Variants in UPF1 observed in about 807,000 individuals in gnomAD.
The protein encoded by UPF1 is regulator of nonsense transcripts 1.
Under a neutral mutation model 129.2 loss-of-function variants are expected in UPF1, and 9 were observed. The observed-to-expected ratio is 0.07, with a 90% CI of 0.04 to 0.12. The LOEUF is 0.12. Ranked by LOEUF, UPF1 falls within the 10% of genes least tolerant of loss-of-function variation. The pLI is 1.00. For missense variants in UPF1, 788 were observed against 1,525.3 expected, an observed-to-expected ratio of 0.52 and a Z score of 8.05; for synonymous variants, 649 against 644.9, an observed-to-expected ratio of 1.01 and a Z score of -0.10.
Position 18,832,782 on chromosome 19 carries a change from G to A in UPF1, c.231+342G>A, listed in dbSNP as rs2055442343. Among the ~76,000 whole-genome samples, 1 of 152,032 alleles carries A rather than the reference G, an allele frequency of 6.6e-6. No individual in the cohort carries two copies. The highest frequency in any genetic ancestry group is 6.5e-5 in the Admixed American group (1 of 15,270). On this transcript the variant is annotated intron_variant, in intron 1 of 23. Transcript: ENST00000262803. This position sits in a 1 kb window ranked among gnomAD's most constrained non-coding sequence, Gnocchi z 5.6. ...CTGACCCTGTTCCTTTACGCCAGCT[G>A]GGTTTGCTCCCCCTCCTGGGCCCGG... is the stretch of plus-strand genomic sequence containing the variant.
At position 18,863,543 on chromosome 19, in the gene UPF1, G is replaced by T. The variant is rs200092149; in HGVS notation, c.2706G>T (p.Pro902=). The T allele has an allele frequency of 3.6e-4, 582 of 1,613,840 alleles. 11 individuals carry two copies. In the South Asian group the frequency reaches 5.0e-3, roughly 14 times the overall value. Residue 902 remains proline, a synonymous_variant, in exon 19 of 24, where the codon CCG becomes CCT. Transcript: ENST00000262803. Reference sequence around the variant, plus strand: ...AGCAGAAGGTGCTGGTGGAGGGGCCGCTCAACAACCTGCGTGAGAGCCTCA... The same window carrying T: ...AGCAGAAGGTGCTGGTGGAGGGGCCTCTCAACAACCTGCGTGAGAGCCTCA... ...YKEQKVLVEG[P]LNNLRESLMQ...
Position 18,866,119 on chromosome 19 carries a change from C to A in UPF1, c.3313C>A (p.Arg1105=). 1 of 1,612,138 alleles carries A rather than the reference C, an allele frequency of 6.2e-7. No homozygotes were observed. The highest frequency in any genetic ancestry group is 8.5e-7 in the Non-Finnish European group (1 of 1,179,408). Residue 1105 remains arginine, a synonymous_variant, in exon 23 of 24, where the codon CGG becomes AGG. Coordinates refer to ENST00000262803, the MANE Select transcript of UPF1 (RefSeq NM_002911.4). ...ACAGGACTCCACGTACCAGGGAGAG[C>A]GGGCTTACCAGCATGGCGGGGTGAC... ...LSQDSTYQGE[R]AYQHGGVTGL... is the part of the protein sequence containing the mutation.
chr19:18,858,920 G>A (rs777640334), intron 15 of UPF1, among the ~76,000 whole-genome samples: 12 of 152,268 alleles, frequency 7.9e-5, no homozygotes, highest in Middle Eastern at 3.4e-3. Flanking sequence ...GAGTGTAAAG[G>A]GTCCTGAAAG....
At chr19:18,861,089 A>T (rs965978330) in intron 17 of UPF1, 107 bp downstream of exon 17, 7 of 1,423,124 alleles carry the variant, frequency 4.9e-6, no homozygotes, top group Non-Finnish European at 6.5e-6. Context: ...TGGAGCTCAG[A>T]ATGGCCCAGG....
chr19:18,868,017 G>C lies in UPF1; in HGVS notation c.*1500G>C, dbSNP rs2055877730. On this transcript the variant is annotated 3_prime_UTR_variant, in exon 24 of 24. Transcript: ENST00000262803. Reference sequence around the variant, plus strand: ...AGGCATGCACCGGGTAGGTTTCCGCGGTGACCCCGCGGCGGCCTGAGGGAC... The same window carrying C: ...AGGCATGCACCGGGTAGGTTTCCGCCGTGACCCCGCGGCGGCCTGAGGGAC... 1 of 157,740 alleles carries C rather than the reference G, an allele frequency of 6.3e-6. No homozygotes were observed. Among genetic ancestry groups the C allele is most frequent in the Non-Finnish European group, 1.4e-5 (1 of 71,238 alleles). The allele number at this position is 157,740 out of a possible 1,614,324, so 9.8% of individuals were successfully genotyped here.
At chr19:18,837,396 G>T (rs913089849) in intron 1 of UPF1, among the ~76,000 whole-genome samples, 4 of 152,196 alleles carry the variant, frequency 2.6e-5, no homozygotes, top group African/African-American at 9.6e-5. Flanking sequence ...CAAAAGTGCT[G>T]CCTGGAACTC....
chr19:18,853,829 G>T lies in UPF1; in HGVS notation c.1156+479G>T, dbSNP rs560269967. 1.9e-4 allele frequency among the ~76,000 whole-genome samples: 29 copies of T among 152,332 alleles called. No homozygotes were observed. Among genetic ancestry groups the T allele is most frequent in the African/African-American group, 7.0e-4 (29 of 41,578 alleles). ...GGTGATGCAGCCTGCCGGCCAGAGT[G>T]GGGCAGCTGTAAGGCACAGGTGCAG... On this transcript the variant is annotated intron_variant, in intron 8 of 23. Coordinates refer to ENST00000262803, the MANE Select transcript of UPF1 (RefSeq NM_002911.4). This position sits in a 1 kb window ranked among gnomAD's most constrained non-coding sequence, Gnocchi z 4.4.
At position 18,846,137 on chromosome 19, in the gene UPF1, G is replaced by A. The variant is rs1459743447; in HGVS notation, c.371+18G>A. 22 of 1,613,442 alleles carry A rather than the reference G, an allele frequency of 1.4e-5. No homozygotes were observed. The highest frequency in any genetic ancestry group is 1.8e-5 in the Non-Finnish European group (21 of 1,179,810). On this transcript the variant is annotated intron_variant, in intron 2 of 23. Coordinates refer to ENST00000262803, the MANE Select transcript of UPF1 (RefSeq NM_002911.4). ...GCCTGCAGGTGAGCTGAGCTCAGCT[G>A]GGCCTGGGCATGTGCTGGACAGGTG...
chr19:18,844,467 G>A (rs1214507855), intron 1 of UPF1, among the ~76,000 whole-genome samples: 7 of 151,146 alleles, frequency 4.6e-5, no homozygotes, highest in African/African-American at 1.7e-4. Context: ...GAGATTACAG[G>A]CACGTGCCAC....
At chr19:18,859,607 G>T (rs147191122) in intron 15 of UPF1, 1 of 152,300 alleles carries the variant, frequency 6.6e-6, no homozygotes, top group African/African-American at 2.4e-5. Context: ...GTGTCCTGGC[G>T]TGTCTGGCTT....
At chr19:18,866,350 C>CACCCCACCCT (rs1479251258) in intron 23 of UPF1, among the ~76,000 whole-genome samples, 171 bp from the exon 24 acceptor site, 1 of 152,190 alleles carries the variant, frequency 6.6e-6, no homozygotes, top group African/African-American at 2.4e-5. Context: ...GGTGGCTCCT[C>CACCCCACCCT]ACCCCACCCT....
At chr19:18,854,778 C>T (rs1354553536) in intron 9 of UPF1, 69 bp downstream of exon 9, 28 of 1,605,450 alleles carry the variant, frequency 1.7e-5, no homozygotes, top group South Asian at 8.8e-5. Flanking sequence ...GAGCCCTCCC[C>T]GTCACTGTGG....
At chr19:18,835,142 C>T (rs2055470159) in intron 1 of UPF1, among the ~76,000 whole-genome samples, 1 of 152,190 alleles carries the variant, frequency 6.6e-6, no homozygotes, top group African/African-American at 2.4e-5. Context: ...CACCTGCTTT[C>T]TGTCTCAAGA....
chr19:18,851,286 A>G lies in UPF1; in HGVS notation c.810+418A>G, dbSNP rs2145951823. Among the ~76,000 whole-genome samples, 2 of 152,256 alleles carry G rather than the reference A, an allele frequency of 1.3e-5. No homozygotes were observed. The highest frequency in any genetic ancestry group is 3.9e-4 in the East Asian group (2 of 5,178). ...AGTCAGCTGAGACAGAGGGGAGAGGAGAGGGTGCCGGGTCAAGTAGTGGGT... is the reference window on the plus strand; with the variant it reads ...AGTCAGCTGAGACAGAGGGGAGAGGGGAGGGTGCCGGGTCAAGTAGTGGGT... On this transcript the variant is annotated intron_variant, in intron 5 of 23. Coordinates refer to ENST00000262803, the MANE Select transcript of UPF1 (RefSeq NM_002911.4). The surrounding 1 kb of genome is among the most constrained non-coding windows in gnomAD (Gnocchi z 4.2).
chr19:18,837,862 A>G (rs906988572), intron 1 of UPF1, among the ~76,000 whole-genome samples: 2 of 152,172 alleles, frequency 1.3e-5, no homozygotes, highest in Admixed American at 1.3e-4. Flanking sequence ...TCCCTAGGAA[A>G]AACATGCTGT....
rs746974593 is a variant in UPF1, at chr19:18,847,932, G to A, written c.461+99G>A. 2.1e-5 allele frequency: 28 copies of A among 1,348,108 alleles called. No individual in the cohort carries two copies. The East Asian group carries it at 3.2e-4, about 15-fold the overall frequency. The allele number at this position is 1,348,108 out of a possible 1,614,324, so 83.5% of individuals were successfully genotyped here. A position where few individuals can be genotyped will look rare whatever the true frequency, so the allele number is the denominator to read the frequency against. ...GAAGCAAAGCGTAATATAAAATCAC[G>A]CTAACAAACCTGGGTTTTTTCCTCC... On this transcript the variant is annotated intron_variant, in intron 3 of 23. Coordinates refer to ENST00000262803, the MANE Select transcript of UPF1 (RefSeq NM_002911.4).
At chr19:18,861,650 T>G (rs1258597884) in intron 17 of UPF1, among the ~76,000 whole-genome samples, 1 of 151,764 alleles carries the variant, frequency 6.6e-6, no homozygotes, top group Non-Finnish European at 1.5e-5. Context: ...CTGGGCAACG[T>G]AGGGAGACCC....
chr19:18,862,219 GC>G, intron 18 of UPF1, 67 bp downstream of exon 18: 1 of 1,586,174 alleles, frequency 6.3e-7, no homozygotes, highest in Non-Finnish European at 8.6e-7. Context: ...GGAATTTGGG[GC>G]TAGGGTTGGG....
chr19:18,840,298 C>G (rs1027912533), intron 1 of UPF1, among the ~76,000 whole-genome samples: 2 of 152,114 alleles, frequency 1.3e-5, no homozygotes, highest in Non-Finnish European at 1.5e-5. Flanking sequence ...CCGGCTGCCC[C>G]CTCCCAGTCC....
Sources: gnomAD v4.1 joint callset for allele counts (sites outside exome capture counted in the v4.1 genomes callset) on GRCh38, gnomAD v4.1.1 for gene constraint, Gnocchi (gnomAD v3.1) non-coding constraint, MANE v1.5 for transcripts, NCBI Gene and HGNC (gene_info 2026-07-23, HGNC 2026-07-21) for gene names.